The following AP3D1 variants were observed in gnomAD, a reference collection of about 807,000 sequenced individuals.
The protein encoded by AP3D1 is AP-3 complex subunit delta-1.
Under a neutral mutation model 147.6 loss-of-function variants are expected in AP3D1, and 51 were observed. The ratio of observed to expected loss-of-function variants is 0.35; its 90% confidence interval spans 0.28 to 0.44. AP3D1 has a LOEUF of 0.44. AP3D1 is among the 20% of genes least tolerant of loss of function. AP3D1 has a pLI of 1.00. For synonymous variants in AP3D1, 760 were observed against 663.0 expected (o/e 1.15, Z -2.25); for missense variants, 1,421 against 1,624.2 (o/e 0.87, Z 2.15).
upstream of AP3D1, among the ~76,000 whole-genome samples, chr19:2,153,165 G>T (rs1301062602): frequency 6.6e-6 from 1 of 151,622 alleles, no homozygotes; most frequent in African/African-American, 2.4e-5. Context: ...CATGAGGTCA[G>T]GAGTTCGAGA....
intron 2 of AP3D1, among the ~76,000 whole-genome samples, chr19:2,138,106 C>T (rs940109811): frequency 1.3e-5 from 2 of 152,196 alleles, no homozygotes; most frequent in African/African-American, 4.8e-5. Context: ...CTTGGCGAAT[C>T]GGCTCCTTGA....
At chr19:2,138,539 C>T in intron 2 of AP3D1, 80 bp downstream of exon 2, 2 of 1,097,176 alleles carry the variant, frequency 1.8e-6, no homozygotes, top group East Asian at 2.4e-5. Flanking sequence ...GGTGGACAGA[C>T]AGGCTGATGA....
intron 29 of AP3D1, 66 bp from the exon 30 acceptor site, chr19:2,109,273 C>G: frequency 6.6e-7 from 1 of 1,504,488 alleles, no homozygotes; most frequent in Non-Finnish European, 8.8e-7. Flanking sequence ...GGCACAGAGG[C>G]CAACAAAACC....
At chr19:2,126,609 C>A (rs118145018) in intron 9 of AP3D1, among the ~76,000 whole-genome samples, 1 of 146,820 alleles carries the variant, frequency 6.8e-6, no homozygotes, top group Non-Finnish European at 1.5e-5. Flanking sequence ...AGCCAAGTTG[C>A]GCCACTGCCC....
At chr19:2,132,630 C>G in intron 4 of AP3D1, 52 bp from the exon 5 acceptor site, 1 of 1,525,452 alleles carries the variant, frequency 6.6e-7, no homozygotes. Context: ...GTGGCACATC[C>G]GACGCCTGGG....
chr19:2,115,745 C>G (rs1055478104), intron 18 of AP3D1, 132 bp from the exon 19 acceptor site: 7 of 938,762 alleles, frequency 7.5e-6, no homozygotes, highest in Admixed American at 2.8e-5. Context: ...GAGCCCTGGG[C>G]CGCGAGGAGC....
rs754096388 is a variant in AP3D1 at position 2,115,556 on chromosome 19, C to T, written c.2131G>A (p.Val711Ile). 1.4e-5 allele frequency: 22 copies of T among 1,613,134 alleles called. No individual in the cohort carries two copies. Among genetic ancestry groups the T allele is most frequent in the Admixed American group, 1.7e-5 (1 of 59,982 alleles). ...CACTTGCCTGGAACCTTCAAGGGGA[C>T]GGAGAGGTCAATCTGCACCACGGGA... is the stretch of plus-strand genomic sequence containing the variant. ...HIPVVQIDLS[V>I]PLKVPGLPMS... The change falls in exon 19 of 32, where the codon GTC (valine) becomes ATC (isoleucine). Residue 711 changes from valine (V) to isoleucine (I), a missense_variant. This residue lies in a region of AP3D1 where 791 missense variants were observed against 761.4 expected (regional missense o/e 1.04). Coordinates refer to ENST00000643116, the MANE Select transcript of AP3D1 (RefSeq NM_001261826.3).
intron 1 of AP3D1, among the ~76,000 whole-genome samples, chr19:2,158,375 G>A (rs905787719): frequency 1.5e-5 from 2 of 137,440 alleles, no homozygotes; most frequent in Non-Finnish European, 3.1e-5. Flanking sequence ...TTTTTTTTTA[G>A]AGATAGGGTC....
intron 14 of AP3D1, among the ~76,000 whole-genome samples, chr19:2,120,230 C>G (rs982669562): frequency 2.6e-5 from 4 of 152,212 alleles, no homozygotes; most frequent in African/African-American, 9.6e-5. Context: ...GCAACACATT[C>G]CCACCTCCAG....
chr19:2,137,589 T>G, intron 3 of AP3D1, 138 bp downstream of exon 3: 1 of 740,084 alleles, frequency 1.4e-6, no homozygotes, highest in Non-Finnish European at 2.3e-6. Flanking sequence ...GTGCTGGGAT[T>G]ACAGGCCACT....
At chr19:2,161,572 A>G (rs1041265667) in intron 1 of AP3D1, among the ~76,000 whole-genome samples, 1 of 152,144 alleles carries the variant, frequency 6.6e-6, no homozygotes, top group Non-Finnish European at 1.5e-5. Flanking sequence ...ATGAATCTCT[A>G]AAGTTAATGT....
chr19:2,131,123 G>C (rs988649203), intron 5 of AP3D1, among the ~76,000 whole-genome samples: 13 of 152,260 alleles, frequency 8.5e-5, no homozygotes, highest in African/African-American at 2.9e-4. Flanking sequence ...TCACAACCAA[G>C]GCCACCAGAG....
intron 14 of AP3D1, 65 bp downstream of exon 14, chr19:2,120,797 T>A: frequency 6.7e-7 from 1 of 1,500,708 alleles, no homozygotes; most frequent in Non-Finnish European, 9.1e-7. Flanking sequence ...GCCAGGCACA[T>A]CCCTGGTCCC....
In AP3D1 at chr19:2,121,032, G is replaced by T; in HGVS notation, c.1311C>A (p.Ile437=). The T allele has an allele frequency of 3.7e-6, 6 of 1,612,740 alleles. No homozygotes were observed. In the South Asian group the frequency reaches 5.5e-5, roughly 15 times the overall value. ...RLEGTRHGHL[I]AAQMLDVAIR... ...TGGCCACGTCCAGCATTTGGGCGGC[G>T]ATGAGGTGGCCGTGCCGTGTGCCCT... The change falls in exon 14 of 32, where the codon ATC becomes ATA. Residue 437 remains isoleucine (I), a synonymous_variant. Coordinates refer to ENST00000643116, the MANE Select transcript of AP3D1 (RefSeq NM_001261826.3).
intron 14 of AP3D1, among the ~76,000 whole-genome samples, chr19:2,120,628 G>A (rs2018582506): frequency 6.6e-6 from 1 of 152,184 alleles, no homozygotes; most frequent in Non-Finnish European, 1.5e-5. Context: ...TCCTGGGAAC[G>A]CCACAGATGC....
chr19:2,127,352 C>A, intron 8 of AP3D1, 151 bp from the exon 9 acceptor site: 3 of 759,370 alleles, frequency 4.0e-6, no homozygotes, highest in Non-Finnish European at 6.5e-6. Context: ...TCTCCAAGGC[C>A]TGTGGTGCTC....
intron 9 of AP3D1, among the ~76,000 whole-genome samples, chr19:2,124,669 G>A (rs1432618497): frequency 6.6e-6 from 1 of 152,162 alleles, no homozygotes; most frequent in Non-Finnish European, 1.5e-5. Flanking sequence ...GGCCAGGCGC[G>A]GTGGCTCATG....
At chr19:2,134,592 AAAAG>A (rs1454931719) in intron 4 of AP3D1, among the ~76,000 whole-genome samples, 1 of 151,430 alleles carries the variant, frequency 6.6e-6, no homozygotes, top group East Asian at 2.0e-4. Flanking sequence ...CTAAAAAAAA[AAAAG>A]AAAGAAAATA....
At chr19:2,125,212 G>A (rs1446354491) in intron 9 of AP3D1, among the ~76,000 whole-genome samples, 2 of 152,168 alleles carry the variant, frequency 1.3e-5, no homozygotes, top group African/African-American at 2.4e-5. Context: ...ACATATAAAT[G>A]TAAATACGAA....
Sources: gnomAD v4.1 joint callset for allele counts (sites outside exome capture counted in the v4.1 genomes callset) on GRCh38, gnomAD v4.1.1 for gene constraint, gnomAD v4.1.1 regional missense constraint, MANE v1.5 for transcripts, NCBI Gene and HGNC (gene_info 2026-07-23, HGNC 2026-07-21) for gene names.